COX10: variants seen among roughly 807,000 people sequenced by gnomAD.
The protein encoded by COX10 is protoheme IX farnesyltransferase, mitochondrial.
Under a neutral mutation model 37.3 loss-of-function variants are expected in COX10, and 27 were observed. The observed-to-expected ratio is 0.72, with a 90% CI of 0.53 to 1.00. The LOEUF is 1.00. Among genes scored for constraint, COX10 ranks in the 50% least tolerant of loss-of-function variants. The pLI is 0.00. For synonymous variants in COX10, 222 were observed against 229.1 expected, an observed-to-expected ratio of 0.97 and a Z score of 0.28; for missense variants, 475 against 563.2, an observed-to-expected ratio of 0.84 and a Z score of 1.59.
intron 5 of COX10, among the ~76,000 whole-genome samples, chr17:14,172,682 A>G (rs1395431412): frequency 6.9e-6 from 1 of 145,444 alleles, no homozygotes. Flanking sequence ...AGAACTCGTG[A>G]TCCTCCCCGC....
At chr17:14,103,175 C>G (rs1915824758) in intron 4 of COX10, among the ~76,000 whole-genome samples, 1 of 151,928 alleles carries the variant, frequency 6.6e-6, no homozygotes, top group African/African-American at 2.4e-5. Flanking sequence ...ACCACTTTAC[C>G]AAAAAGATCA....
chr17:14,200,889 ATTAC>A (rs374266843), intron 6 of COX10, among the ~76,000 whole-genome samples: 7 of 152,316 alleles, frequency 4.6e-5, no homozygotes, highest in African/African-American at 1.7e-4. Context: ...CAGTTTACAA[ATTAC>A]TTCTTCCAGG....
chr17:14,177,332 C>T (rs1193116339), intron 5 of COX10: 1 of 660,474 alleles, frequency 1.5e-6, no homozygotes, highest in East Asian at 2.7e-5. Context: ...AAGAAAATAC[C>T]AACTCCATGT....
chr17:14,116,654 T>TACACACACACACACACACAC (rs71352451), intron 4 of COX10, among the ~76,000 whole-genome samples: 1 of 150,406 alleles, frequency 6.6e-6, no homozygotes, highest in Admixed American at 6.7e-5. Context: ...TGCATGCATG[T>TACACACACACACACACACAC]ACACACACAC....
intron 4 of COX10, 146 bp downstream of exon 4, chr17:14,102,388 C>T (rs939800046): frequency 2.3e-5 from 29 of 1,249,778 alleles, no homozygotes; most frequent in Non-Finnish European, 2.3e-6. Context: ...CTGTGGGTTT[C>T]ATAACCAATT....
chr17:14,092,040 G>A (rs1005898672), intron 3 of COX10, among the ~76,000 whole-genome samples: 2 of 152,082 alleles, frequency 1.3e-5, no homozygotes, highest in African/African-American at 4.8e-5. Context: ...TTGAGTATAT[G>A]AAGTAAATTG....
chr17:14,076,860 T>C lies in COX10; in HGVS notation c.303T>C (p.Pro101=), dbSNP rs1915166074. 1 of 1,614,056 alleles carries C rather than the reference T, an allele frequency of 6.2e-7. No homozygotes were observed. Among genetic ancestry groups the C allele is most frequent in the South Asian group, 1.1e-5 (1 of 91,078 alleles). Residue 101 remains proline (P), a synonymous_variant, in exon 3 of 7, where the codon CCT becomes CCC. Coordinates refer to ENST00000261643, the MANE Select transcript of COX10 (RefSeq NM_001303.4). ...QAKAEIYEMR[P]LSPPSLSLSR... is the part of the protein sequence containing the mutation. Reference sequence around the variant, plus strand: ...AAGCAGAAATATATGAGATGAGACCTCTCTCACCGCCCAGCCTATCTTTGT... The same window carrying C: ...AAGCAGAAATATATGAGATGAGACCCCTCTCACCGCCCAGCCTATCTTTGT...
intron 3 of COX10, 41 bp downstream of exon 3, chr17:14,077,097 A>G (rs139962310): frequency 3.1e-4 from 498 of 1,588,776 alleles, no homozygotes; most frequent in Non-Finnish European, 3.9e-4. Flanking sequence ...TTGAAACTCT[A>G]TCTTTAGTGA....
At chr17:14,072,226 T>G (rs538083427) in intron 1 of COX10, among the ~76,000 whole-genome samples, 32 of 152,300 alleles carry the variant, frequency 2.1e-4, no homozygotes, top group African/African-American at 5.5e-4. Context: ...TAATCTTTTT[T>G]TTGTTGTTGT....
At chr17:14,191,279 C>A (rs1906193618) in intron 5 of COX10, among the ~76,000 whole-genome samples, 1 of 150,130 alleles carries the variant, frequency 6.7e-6, no homozygotes, top group African/African-American at 2.5e-5. Flanking sequence ...GTTTCATTTG[C>A]ATAAATAACA....
At chr17:14,197,258 T>C (rs1481679224) in intron 6 of COX10, among the ~76,000 whole-genome samples, 1 of 152,184 alleles carries the variant, frequency 6.6e-6, no homozygotes, top group Admixed American at 6.5e-5. Flanking sequence ...TGTCGGGAAG[T>C]ACCTTTTCCC....
intron 6 of COX10, among the ~76,000 whole-genome samples, chr17:14,193,826 C>A (rs1906284540): frequency 6.7e-6 from 1 of 149,590 alleles, no homozygotes; most frequent in Non-Finnish European, 1.5e-5. Context: ...CCTCTTATTT[C>A]CCTCAAACCT....
chr17:14,194,572 G>A (rs866154377), intron 6 of COX10, among the ~76,000 whole-genome samples: 12 of 152,096 alleles, frequency 7.9e-5, no homozygotes, highest in Middle Eastern at 6.8e-3. Context: ...GACTACAGGC[G>A]CCCGCCACCA....
chr17:14,149,666 C>T (rs968918444), intron 4 of COX10, among the ~76,000 whole-genome samples: 8 of 152,078 alleles, frequency 5.3e-5, no homozygotes, highest in African/African-American at 1.4e-4. Flanking sequence ...TGTCATTTTG[C>T]CTGCTTCATG....
In COX10 at chr17:14,119,335, C is replaced by A. The variant is rs116157079; in HGVS notation, c.624+17093C>A. On this transcript the variant is annotated intron_variant, in intron 4 of 6. Transcript: ENST00000261643. ...TTTTGTGAAAATTTGTAATTTATGC[C>A]TTTATTAAAGCAATTTATTCATGTG... 8.3e-3 allele frequency among the ~76,000 whole-genome samples: 1,269 copies of A among 152,032 alleles called. 20 individuals are homozygous for A. Among genetic ancestry groups the A allele is most frequent in the African/African-American group, 0.029 (1,192 of 41,458 alleles).
At chr17:14,153,844 A>G (rs974120914) in intron 4 of COX10, among the ~76,000 whole-genome samples, 5 of 152,222 alleles carry the variant, frequency 3.3e-5, no homozygotes, top group Non-Finnish European at 7.3e-5. Flanking sequence ...AAATATTCAG[A>G]TATCCATTAA....
intron 4 of COX10, among the ~76,000 whole-genome samples, chr17:14,110,687 A>G (rs1302870954): frequency 6.6e-6 from 1 of 151,928 alleles, no homozygotes; most frequent in Non-Finnish European, 1.5e-5. Context: ...GAATCCCATT[A>G]GCCTCCTAGT....
chr17:14,193,132 C>G (rs1444776731), intron 6 of COX10, among the ~76,000 whole-genome samples: 1 of 152,194 alleles, frequency 6.6e-6, no homozygotes, highest in African/African-American at 2.4e-5. Flanking sequence ...CTTGTGTGTT[C>G]TGTGATAAAC....
At chr17:14,072,962 A>G (rs1203866102) in intron 1 of COX10, among the ~76,000 whole-genome samples, 2 of 152,226 alleles carry the variant, frequency 1.3e-5, no homozygotes, top group Non-Finnish European at 2.9e-5. Flanking sequence ...AACATGGCAT[A>G]AAGTGATAGA....
Sources: gnomAD v4.1 joint callset for allele counts (sites outside exome capture counted in the v4.1 genomes callset) on GRCh38, gnomAD v4.1.1 for gene constraint, MANE v1.5 for transcripts, NCBI Gene and HGNC (gene_info 2026-07-23, HGNC 2026-07-21) for gene names.